DLGAP2: variants seen among roughly 807,000 people sequenced by gnomAD.
DLGAP2 encodes disks large-associated protein 2.
DLGAP2 carries 26 observed loss-of-function variants against 100.3 expected under a neutral mutation model. The observed-to-expected ratio is 0.26, with a 90% CI of 0.19 to 0.36. The LOEUF is 0.36. Among genes scored for constraint, DLGAP2 ranks in the 10% least tolerant of loss-of-function variants. The probability of loss-of-function intolerance (pLI) is 1.00; values close to 1 mark genes in which losing one functional copy is unlikely to be tolerated. For missense variants in DLGAP2, 1,858 were observed against 1,453.2 expected (o/e 1.28, Z -4.53); for synonymous variants, 886 against 630.1 (o/e 1.41, Z -6.08).
At chr8:1,111,485 G>A (rs1043515428) in intron 2 of DLGAP2, among the ~76,000 whole-genome samples, 5 of 151,902 alleles carry the variant, frequency 3.3e-5, no homozygotes, top group African/African-American at 9.7e-5. Context: ...TATTGTATAG[G>A]TTATTTCATC....
chr8:1,171,430 G>C (rs1373127000), intron 2 of DLGAP2, among the ~76,000 whole-genome samples: 3 of 151,952 alleles, frequency 2.0e-5, no homozygotes, highest in Non-Finnish European at 4.4e-5. Flanking sequence ...TCAGTTCCTG[G>C]GTATCCTTGT....
chr8:1,500,094 A>G lies in DLGAP2; in HGVS notation c.107-1272A>G, dbSNP rs377072009. On this transcript the variant is annotated intron_variant, in intron 3 of 14. Coordinates refer to ENST00000637795, the MANE Select transcript of DLGAP2 (RefSeq NM_001346810.2). ...AGAGTCTGAACATGCAATCATATTTATATTTGGGGCATATATGCCAAAATG... is the reference window on the plus strand; with the variant it reads ...AGAGTCTGAACATGCAATCATATTTGTATTTGGGGCATATATGCCAAAATG... 1.1e-4 allele frequency among the ~76,000 whole-genome samples: 17 copies of G among 152,350 alleles called. No individual in the cohort carries two copies. In the South Asian group the frequency reaches 3.5e-3, roughly 32 times the overall value.
intron 3 of DLGAP2, among the ~76,000 whole-genome samples, chr8:1,341,170 C>G (rs1801408172): frequency 6.6e-6 from 1 of 152,144 alleles, no homozygotes; most frequent in Non-Finnish European, 1.5e-5. Context: ...ATCTGTACAA[C>G]AAATCCCCAT....
intron 3 of DLGAP2, among the ~76,000 whole-genome samples, chr8:1,491,315 G>C (rs1052232035): frequency 6.6e-6 from 1 of 152,244 alleles, no homozygotes; most frequent in African/African-American, 2.4e-5. Flanking sequence ...CAGTAAGGCT[G>C]CTTTCAGGCC....
chr8:1,091,583 T>C (rs1426370680), intron 2 of DLGAP2, among the ~76,000 whole-genome samples: 1 of 152,236 alleles, frequency 6.6e-6, no homozygotes, highest in Non-Finnish European at 1.5e-5. Context: ...GAGCCCGCAG[T>C]GATGCCATAT....
At chr8:1,357,771 C>G (rs1042559668) in intron 3 of DLGAP2, among the ~76,000 whole-genome samples, 1 of 152,214 alleles carries the variant, frequency 6.6e-6, no homozygotes, top group African/African-American at 2.4e-5. Context: ...TGGTTCTGAG[C>G]AGCCTCGTAG....
intron 2 of DLGAP2, among the ~76,000 whole-genome samples, chr8:1,100,877 GC>G (rs1795794740): frequency 6.6e-6 from 1 of 152,186 alleles, no homozygotes; most frequent in African/African-American, 2.4e-5. Context: ...ATTTCTTAAA[GC>G]CACTCATTTT....
At chr8:865,581 C>G (rs1043034639) in intron 1 of DLGAP2, among the ~76,000 whole-genome samples, 3 of 152,168 alleles carry the variant, frequency 2.0e-5, no homozygotes, top group Non-Finnish European at 2.9e-5. Flanking sequence ...CTTTTCCTTC[C>G]AAATTGCTCA....
intron 12 of DLGAP2, among the ~76,000 whole-genome samples, chr8:1,682,601 A>G (rs1163977078): frequency 6.6e-6 from 1 of 151,734 alleles, no homozygotes; most frequent in African/African-American, 2.4e-5. Flanking sequence ...CAGCCTCCCA[A>G]GTAGCTGGGA....
rs565035205 is a variant in DLGAP2, at chr8:1,123,991, T to C, written c.74-134860T>C. On this transcript the variant is annotated intron_variant, in intron 2 of 14. Transcript: ENST00000637795. ...GTGACCTTCTTTTCCTTGCCTGTTTTTGGAGGAAGTGAGAGCGTGGTATTC... is the reference window on the plus strand; with the variant it reads ...GTGACCTTCTTTTCCTTGCCTGTTTCTGGAGGAAGTGAGAGCGTGGTATTC... 1.0e-3 allele frequency among the ~76,000 whole-genome samples: 158 copies of C among 151,864 alleles called. 1 individual carries two copies. Among genetic ancestry groups the C allele is most frequent in the Admixed American group, 2.2e-3 (34 of 15,190 alleles).
At chr8:1,132,030 C>T (rs1585090225) in intron 2 of DLGAP2, among the ~76,000 whole-genome samples, 1 of 152,162 alleles carries the variant, frequency 6.6e-6, no homozygotes, top group Non-Finnish European at 1.5e-5. Flanking sequence ...TCAGCACAGA[C>T]TAGAATAAGA....
At chr8:760,178 T>A (rs1375722147) in intron 1 of DLGAP2, among the ~76,000 whole-genome samples, 2 of 152,168 alleles carry the variant, frequency 1.3e-5, no homozygotes, top group African/African-American at 4.8e-5. Context: ...TCCATCTTTA[T>A]TCCTCTGAAA....
At chr8:855,284 A>T (rs1360802305) in intron 1 of DLGAP2, among the ~76,000 whole-genome samples, 2 of 152,084 alleles carry the variant, frequency 1.3e-5, no homozygotes, top group African/African-American at 4.8e-5. Context: ...GGGCACTTTC[A>T]GCATGAATGC....
At position 1,627,085 on chromosome 8, in the gene DLGAP2, A is replaced by G. The variant is rs149880024; in HGVS notation, c.1590+198A>G. 4.3e-3 allele frequency among the ~76,000 whole-genome samples: 651 copies of G among 152,406 alleles called. 4 individuals are homozygous for G. Among genetic ancestry groups the G allele is most frequent in the African/African-American group, 0.015 (623 of 41,606 alleles). On this transcript the variant is annotated intron_variant, in intron 7 of 14. Transcript: ENST00000637795. ...ACTTACTGTTATATTTTTGACGTGTATAACTCCATATCATTTTTGCGTTGA... is the reference window on the plus strand; with the variant it reads ...ACTTACTGTTATATTTTTGACGTGTGTAACTCCATATCATTTTTGCGTTGA...
At chr8:1,441,521 C>T (rs942092287) in intron 3 of DLGAP2, among the ~76,000 whole-genome samples, 2 of 151,900 alleles carry the variant, frequency 1.3e-5, no homozygotes, top group African/African-American at 4.8e-5. Context: ...AACCCCGTCT[C>T]TACTAAAAGT....
chr8:1,474,779 A>T (rs1798887449), intron 3 of DLGAP2, among the ~76,000 whole-genome samples: 1 of 152,242 alleles, frequency 6.6e-6, no homozygotes, highest in Non-Finnish European at 1.5e-5. Flanking sequence ...ATACACTGCC[A>T]GTGCGAGCGT....
At chr8:1,114,476 T>C (rs1325424117) in intron 2 of DLGAP2, among the ~76,000 whole-genome samples, 1 of 152,150 alleles carries the variant, frequency 6.6e-6, no homozygotes, top group African/African-American at 2.4e-5. Flanking sequence ...GTTTTCTAGA[T>C]TGTGTGCATA....
Position 1,549,278 on chromosome 8 carries a change from C to T in DLGAP2, c.825C>T (p.Ser275=). The T allele has an allele frequency of 1.9e-6, 3 of 1,611,768 alleles. No homozygotes were observed. In the South Asian group the frequency reaches 3.3e-5, roughly 18 times the overall value. Residue 275 remains serine (S), a synonymous_variant, in exon 5 of 15, where the codon AGC becomes AGT. Coordinates refer to ENST00000637795, the MANE Select transcript of DLGAP2 (RefSeq NM_001346810.2). ...DHHHAHHAKH[S]KRSKSKERKP... is the part of the protein sequence containing the mutation. ...ACCACGCCCACCACGCCAAGCACAG[C>T]AAGAGGAGCAAGAGCAAGGAGCGCA...
chr8:859,753 G>A lies in DLGAP2; in HGVS notation c.19-48159G>A, dbSNP rs182486961. Among the ~76,000 whole-genome samples the A allele has an allele frequency of 1.2e-4, 18 of 152,278 alleles. No homozygotes were observed. The East Asian group carries it at 3.5e-3, about 29-fold the overall frequency. Reference sequence around the variant, plus strand: ...CACTCTGGCAGGTGATTTTTCTCCAGGGCCTTGGTTATTCAAGTAGCAGGA... The same window carrying A: ...CACTCTGGCAGGTGATTTTTCTCCAAGGCCTTGGTTATTCAAGTAGCAGGA... On this transcript the variant is annotated intron_variant, in intron 1 of 14. Transcript: ENST00000637795.
Sources: allele counts gnomAD v4.1 joint callset (sites outside exome capture counted in the v4.1 genomes callset), GRCh38; gene constraint gnomAD v4.1.1; transcripts MANE v1.5; gene names NCBI Gene and HGNC (gene_info 2026-07-23, HGNC 2026-07-21).